LRFN2: variants seen among roughly 807,000 people sequenced by gnomAD.
LRFN2 encodes the protein leucine rich repeat and fibronectin type III domain containing 2.
A neutral mutation model predicts 37.3 loss-of-function variants in LRFN2; 18 were observed. The ratio of observed to expected loss-of-function variants is 0.48; its 90% CI spans 0.33 to 0.72. LRFN2 has a LOEUF of 0.72. Among genes scored for constraint, LRFN2 ranks in the 30% least tolerant of loss-of-function variants. The pLI, the probability that LRFN2 is intolerant of heterozygous loss-of-function variation, is 0.02. For missense variants in LRFN2, 1,006 were observed against 1,060.7 expected, an observed-to-expected ratio of 0.95 and a Z score of 0.72; for synonymous variants, 556 against 466.6, an observed-to-expected ratio of 1.19 and a Z score of -2.47.
intron 2 of LRFN2, among the ~76,000 whole-genome samples, chr6:40,400,363 A>T (rs1414130342): frequency 6.6e-6 from 1 of 151,142 alleles, no homozygotes; most frequent in African/African-American, 2.4e-5. Context: ...GGGTTAGTTA[A>T]TGGTGACTCT....
chr6:40,455,477 C>T (rs916941718), intron 1 of LRFN2, among the ~76,000 whole-genome samples: 8 of 152,196 alleles, frequency 5.3e-5, no homozygotes, highest in East Asian at 1.9e-4. Flanking sequence ...AATGACACAA[C>T]CTGGAAGTGC....
chr6:40,561,125 T>G (rs1766985741), intron 1 of LRFN2, among the ~76,000 whole-genome samples: 1 of 152,124 alleles, frequency 6.6e-6, no homozygotes, highest in Non-Finnish European at 1.5e-5. Context: ...TCTAGGGCCA[T>G]GAGGTGGCAC....
intron 1 of LRFN2, among the ~76,000 whole-genome samples, chr6:40,570,845 G>C (rs188432354): frequency 6.6e-6 from 1 of 152,368 alleles, no homozygotes; most frequent in East Asian, 1.9e-4. Flanking sequence ...GGTTCCCTCA[G>C]GGTGCTAGAC....
intron 1 of LRFN2, among the ~76,000 whole-genome samples, chr6:40,546,335 T>C (rs527629032): frequency 6.6e-6 from 1 of 152,324 alleles, no homozygotes; most frequent in South Asian, 2.1e-4. Flanking sequence ...TTTCCCGTTG[T>C]AACCTAAGGG....
intron 1 of LRFN2, among the ~76,000 whole-genome samples, chr6:40,499,372 C>A (rs753287552): frequency 9.9e-5 from 15 of 152,012 alleles, no homozygotes; most frequent in East Asian, 7.7e-4. Flanking sequence ...TACAACCGAG[C>A]CTGCTCCTTC....
At chr6:40,527,256 C>G (rs760348156) in intron 1 of LRFN2, among the ~76,000 whole-genome samples, 2 of 152,262 alleles carry the variant, frequency 1.3e-5, no homozygotes, top group Non-Finnish European at 2.9e-5. Flanking sequence ...AGGGCCTTCT[C>G]TAACAATGCA....
At chr6:40,421,005 T>C (rs1441752004) in intron 2 of LRFN2, among the ~76,000 whole-genome samples, 1 of 152,204 alleles carries the variant, frequency 6.6e-6, no homozygotes, top group Non-Finnish European at 1.5e-5. Flanking sequence ...CTGAGGAAGC[T>C]GGGGTATTAA....
At chr6:40,463,668 C>CTTTT (rs1470775834) in intron 1 of LRFN2, among the ~76,000 whole-genome samples, 1 of 91,282 alleles carries the variant, frequency 1.1e-5, no homozygotes, top group South Asian at 4.2e-4. Context: ...TTCTTTCTTT[C>CTTTT]TATTTTTTTT....
chr6:40,409,162 A>G (rs942400585), intron 2 of LRFN2, among the ~76,000 whole-genome samples: 6 of 152,242 alleles, frequency 3.9e-5, no homozygotes, highest in African/African-American at 1.4e-4. Context: ...AATCTGGGTA[A>G]AATGAAGCCC....
intron 1 of LRFN2, chr6:40,502,118 C>T (rs1581755442): frequency 1.3e-5 from 2 of 152,126 alleles, no homozygotes; most frequent in Non-Finnish European, 2.9e-5. Flanking sequence ...TTTAGAGCAC[C>T]CTGTCTTTGC....
chr6:40,410,015 C>A (rs1454411246), intron 2 of LRFN2, among the ~76,000 whole-genome samples: 1 of 152,204 alleles, frequency 6.6e-6, no homozygotes, highest in Non-Finnish European at 1.5e-5. Flanking sequence ...AACAAGCAGT[C>A]TGCTCAGGAA....
intron 1 of LRFN2, among the ~76,000 whole-genome samples, chr6:40,539,047 C>G (rs1289196386): frequency 6.6e-6 from 1 of 152,120 alleles, no homozygotes; most frequent in Non-Finnish European, 1.5e-5. Context: ...AGACAGAGGA[C>G]AGCTAACAGC....
intron 1 of LRFN2, among the ~76,000 whole-genome samples, chr6:40,475,046 G>A (rs534999378): frequency 6.6e-6 from 1 of 152,240 alleles, no homozygotes; most frequent in African/African-American, 2.4e-5. Context: ...CGGAGACTAG[G>A]GCTTCATGAG....
chr6:40,438,032 G>A (rs1229386360), intron 1 of LRFN2, among the ~76,000 whole-genome samples: 2 of 152,326 alleles, frequency 1.3e-5, no homozygotes, highest in Non-Finnish European at 1.5e-5. Flanking sequence ...GATCAGAAGC[G>A]AGGCTGAAAT....
chr6:40,499,388 A>T (rs1765317071), intron 1 of LRFN2, among the ~76,000 whole-genome samples: 2 of 147,482 alleles, frequency 1.4e-5, no homozygotes, highest in Non-Finnish European at 3.0e-5. Context: ...CCTTCCAGAC[A>T]TTTTTTTTTT....
intron 1 of LRFN2, among the ~76,000 whole-genome samples, chr6:40,546,050 C>A (rs1766653624): frequency 6.6e-6 from 1 of 152,094 alleles, no homozygotes; most frequent in African/African-American, 2.4e-5. Flanking sequence ...CTCCATCCTG[C>A]ACTCTTGACA....
At chr6:40,480,675 G>C (rs887858691) in intron 1 of LRFN2, among the ~76,000 whole-genome samples, 1 of 152,042 alleles carries the variant, frequency 6.6e-6, no homozygotes, top group African/African-American at 2.4e-5. Context: ...CTTGCTGTGT[G>C]GCTTTAAATG....
At chr6:40,559,619 T>G (rs2113928725) in intron 1 of LRFN2, among the ~76,000 whole-genome samples, 1 of 152,226 alleles carries the variant, frequency 6.6e-6, no homozygotes, top group African/African-American at 2.4e-5. Flanking sequence ...TCAGGCCTTT[T>G]GACACTGAGA....
chr6:40,433,655 G>A (rs1170232608), intron 1 of LRFN2, among the ~76,000 whole-genome samples: 2 of 152,208 alleles, frequency 1.3e-5, no homozygotes, highest in African/African-American at 4.8e-5. Flanking sequence ...GGCTTAGCAT[G>A]AAATTAAATT....
Sources: allele counts gnomAD v4.1 joint callset (sites outside exome capture counted in the v4.1 genomes callset), GRCh38; gene constraint gnomAD v4.1.1; transcripts MANE v1.5; gene names NCBI Gene and HGNC (gene_info 2026-07-23, HGNC 2026-07-21).